Variants in FGF8 observed in about 807,000 individuals in gnomAD.
The protein encoded by FGF8 is fibroblast growth factor 8.
FGF8 carries 12 observed loss-of-function variants against 29.7 expected under a neutral mutation model. The observed-to-expected ratio is 0.40, with a 90% confidence interval of 0.26 to 0.65. The LOEUF is 0.65. FGF8 is among the 30% of genes least tolerant of loss of function. The pLI, the probability that FGF8 is intolerant of heterozygous loss-of-function variation, is 0.37. For missense variants in FGF8, 271 were observed against 345.1 expected, an observed-to-expected ratio of 0.79 and a Z score of 1.70; for synonymous variants, 157 against 144.4, an observed-to-expected ratio of 1.09 and a Z score of -0.63.
In FGF8 at chr10:101,770,469, G is replaced by A. The variant is rs770066142; in HGVS notation, c.595C>T (p.Arg199Cys). 2.0e-5 allele frequency: 32 copies of A among 1,613,014 alleles called. No homozygotes were observed. The highest frequency in any genetic ancestry group is 1.7e-4 in the Middle Eastern group (1 of 6,060). The change falls in exon 6 of 6, where the codon CGT (arginine) becomes TGT (cysteine). Residue 199 changes from arginine to cysteine, a missense_variant. Around this residue, in one of 3 missense-constraint regions of FGF8, gnomAD observed 41 missense variants for 80.0 expected, o/e 0.51. Transcript: ENST00000320185. ...AGCCGCTTCATGAAGTGGACCTCAC[G>A]CTGGTGCTGCCGCGTCTTGGAGCCC... is the stretch of plus-strand genomic sequence containing the variant. ...RKGSKTRQHQREVHFMKRLPR... is the reference protein window; with the variant it reads ...RKGSKTRQHQCEVHFMKRLPR...
chr10:101,774,958 C>T (rs754659347), intron 3 of FGF8, 46 bp from the exon 4 acceptor site: 1 of 1,603,944 alleles, frequency 6.2e-7, no homozygotes, highest in Non-Finnish European at 8.5e-7. Flanking sequence ...TAATGCTACT[C>T]CGCCCAGGGG....
intron 3 of FGF8, 71 bp from the exon 4 acceptor site, chr10:101,774,983 T>A (rs2065069820): frequency 6.4e-7 from 1 of 1,555,342 alleles, no homozygotes; most frequent in Non-Finnish European, 8.8e-7. Flanking sequence ...AGTGGCCCCA[T>A]CACCCTGCGT....
At position 101,771,783 on chromosome 10, in the gene FGF8, G is replaced by A. The variant is rs1052619846; in HGVS notation, c.338-214C>T. ...TGGGTTTACAGAGGGCAGTGGACGG[G>A]ATTATGGTTTTCAAACTGGGTTCTC... On this transcript the variant is annotated intron_variant, in intron 4 of 5. Transcript: ENST00000320185. This position sits in a 1 kb window ranked among gnomAD's most constrained non-coding sequence, Gnocchi z 5.3. 1.3e-5 allele frequency among the ~76,000 whole-genome samples: 2 copies of A among 152,214 alleles called. No homozygotes were observed. Among genetic ancestry groups the A allele is most frequent in the Non-Finnish European group, 2.9e-5 (2 of 68,034 alleles).
intron 4 of FGF8, among the ~76,000 whole-genome samples, chr10:101,774,084 G>A (rs2065057232): frequency 6.6e-6 from 1 of 152,182 alleles, no homozygotes; most frequent in South Asian, 2.1e-4. Context: ...GGTACATCCA[G>A]GACTCTGGAA....
In FGF8 at chr10:101,775,326, C is replaced by A; in HGVS notation, c.70-110G>T. 1 of 804,238 alleles carries A rather than the reference C, an allele frequency of 1.2e-6. No individual in the cohort carries two copies. The highest frequency in any genetic ancestry group is 2.0e-6 in the Non-Finnish European group (1 of 487,832). 49.8% of individuals were successfully genotyped at this position (804,238 alleles called of 1,614,324 possible). A position where few individuals can be genotyped will look rare whatever the true frequency, so the allele number is the denominator to read the frequency against. On this transcript the variant is annotated intron_variant, in intron 2 of 5. Coordinates refer to ENST00000320185, the MANE Select transcript of FGF8 (RefSeq NM_033163.5). The surrounding 1 kb of genome is among the most constrained non-coding windows in gnomAD (Gnocchi z 4.6). ...TGAGAGTGCAGGGAACCTGGGCACCCGATCATTGGGCCAAATCGGCCACAA... is the reference window on the plus strand; with the variant it reads ...TGAGAGTGCAGGGAACCTGGGCACCAGATCATTGGGCCAAATCGGCCACAA...
chr10:101,775,395 C>G lies in FGF8; in HGVS notation c.70-179G>C. The G allele has an allele frequency of 3.3e-6, 2 of 609,036 alleles. No homozygotes were observed. The highest frequency in any genetic ancestry group is 5.8e-6 in the Non-Finnish European group (2 of 342,394). The allele number at this position is 609,036 out of a possible 1,614,324, so 37.7% of individuals were successfully genotyped here. A position where few individuals can be genotyped will look rare whatever the true frequency, so the allele number is the denominator to read the frequency against. ...TGAGAGGGTCTCTGCTGCAGTCACC[C>G]GGCTTCCCCTGGCATCGAACATCCA... On this transcript the variant is annotated intron_variant, in intron 2 of 5. Coordinates refer to ENST00000320185, the MANE Select transcript of FGF8 (RefSeq NM_033163.5). The surrounding 1 kb of genome is among the most constrained non-coding windows in gnomAD (Gnocchi z 4.6).
At chr10:101,777,980 G>A (rs572637657), upstream of FGF8, among the ~76,000 whole-genome samples, 3 of 152,314 alleles carry the variant, frequency 2.0e-5, no homozygotes, top group East Asian at 5.8e-4. Flanking sequence ...CAAGTCAGGT[G>A]GACACAAGTG....
intron 4 of FGF8, among the ~76,000 whole-genome samples, chr10:101,773,239 C>T (rs2065047003): frequency 6.6e-6 from 1 of 152,158 alleles, no homozygotes; most frequent in Non-Finnish European, 1.5e-5. Flanking sequence ...AGATGAATTC[C>T]CCCACACCAG....
At chr10:101,777,516 C>G (rs181922015), upstream of FGF8, among the ~76,000 whole-genome samples, 2 of 152,354 alleles carry the variant, frequency 1.3e-5, no homozygotes, top group East Asian at 3.9e-4. Flanking sequence ...TTTCCAACTC[C>G]CAGCCATAAA....
Position 101,772,083 on chromosome 10 carries a change from G to C in FGF8, c.338-514C>G, listed in dbSNP as rs949597763. Among the ~76,000 whole-genome samples, 12 of 152,192 alleles carry C rather than the reference G, an allele frequency of 7.9e-5. No homozygotes were observed. The highest frequency in any genetic ancestry group is 2.9e-4 in the African/African-American group (12 of 41,442). On this transcript the variant is annotated intron_variant, in intron 4 of 5. Coordinates refer to ENST00000320185, the MANE Select transcript of FGF8 (RefSeq NM_033163.5). This position sits in a 1 kb window ranked among gnomAD's most constrained non-coding sequence, Gnocchi z 4.4. ...CATTGTCTCCTGTTTCTGCCACTTT[G>C]GGTTCTAACTCACAGCTTTGGCCAC...
rs1491043506 is a variant in FGF8, at chr10:101,770,152, A to AAC, written c.*176_*177insGT. 1 of 524,930 alleles carries AAC rather than the reference A, an allele frequency of 1.9e-6. No homozygotes were observed. The highest frequency in any genetic ancestry group is 1.9e-5 in the African/African-American group (1 of 51,636). 32.5% of individuals were successfully genotyped at this position (524,930 alleles called of 1,614,324 possible). A position where few individuals can be genotyped will look rare whatever the true frequency, so the allele number is the denominator to read the frequency against. On this transcript the variant is annotated 3_prime_UTR_variant, in exon 6 of 6. Coordinates refer to ENST00000320185, the MANE Select transcript of FGF8 (RefSeq NM_033163.5). ...CCTCTCTTTTGTTTTAAAAAAAAAA[A>AAC]AAAAAAAAAAAACAGCAAAAACCCA... is the stretch of plus-strand genomic sequence containing the variant.
chr10:101,774,196 A>G (rs1256738806), intron 4 of FGF8, among the ~76,000 whole-genome samples: 1 of 152,188 alleles, frequency 6.6e-6, no homozygotes, highest in Non-Finnish European at 1.5e-5. Context: ...CCCCACAGGG[A>G]GCCGGGAGCC....
In FGF8 at chr10:101,771,468, C is replaced by T. The variant is rs904069647; in HGVS notation, c.439G>A (p.Ala147Thr). 21 of 1,613,608 alleles carry T rather than the reference C, an allele frequency of 1.3e-5. No individual in the cohort carries two copies. Among genetic ancestry groups the T allele is most frequent in the East Asian group, 2.2e-5 (1 of 44,882 alleles). ...ICMNKKGKLIAKSNGKGKDCV... is the reference protein window; with the variant it reads ...ICMNKKGKLITKSNGKGKDCV... ...CCTGCCTGCTGGGGCCTCACCTTGG[C>T]GATCAGCTTCCCCTTCTTGTTCATG... The change falls in exon 5 of 6, where the codon GCC becomes ACC. Residue 147 changes from alanine (A) to threonine (T), a missense_variant. This residue lies in a region of FGF8 where 168 missense variants were observed against 207.0 expected (regional missense o/e 0.81). Transcript: ENST00000320185. This position sits in a 1 kb window ranked among gnomAD's most constrained non-coding sequence, Gnocchi z 5.3.
chr10:101,774,671 G>T (rs1404878849), intron 4 of FGF8, 61 bp downstream of exon 4: 16 of 1,429,624 alleles, frequency 1.1e-5, no homozygotes, highest in Admixed American at 1.7e-5. Context: ...CCCGGCCAGT[G>T]CAGTTGGGAC....
In FGF8 at chr10:101,776,065, C is replaced by T. The variant is rs2065088194; in HGVS notation, c.-165G>A. ...GTCCCGTGGAACGTCGTGCTCGCCG[C>T]GCCGCACCGAATCGCTGTGCGCCGC... On this transcript the variant is annotated 5_prime_UTR_variant, in exon 1 of 6. Transcript: ENST00000320185. The T allele has an allele frequency of 1.2e-5, 3 of 255,928 alleles. No homozygotes were observed. The East Asian group carries it at 3.4e-4, about 29-fold the overall frequency. The allele number at this position is 255,928 out of a possible 1,614,324, so 15.9% of individuals were successfully genotyped here. A position where few individuals can be genotyped will look rare whatever the true frequency, so the allele number is the denominator to read the frequency against.
chr10:101,775,605 CG>C lies in FGF8; in HGVS notation c.69+134del, dbSNP rs1029990029. ...CCTCAGCTCCCTCCTCGGGGTGGCTCGGGGCTGGGTTTCTAAGGTGCCCTCA... is the reference window on the plus strand; with the variant it reads ...CCTCAGCTCCCTCCTCGGGGTGGCTCGGGCTGGGTTTCTAAGGTGCCCTCA... On this transcript the variant is annotated intron_variant, in intron 2 of 5. Transcript: ENST00000320185. The surrounding 1 kb of genome is among the most constrained non-coding windows in gnomAD (Gnocchi z 4.6). The C allele has an allele frequency of 1.0e-6, 1 of 994,714 alleles. No individual in the cohort carries two copies. Among genetic ancestry groups the C allele is most frequent in the African/African-American group, 1.6e-5 (1 of 61,532 alleles). 61.6% of individuals were successfully genotyped at this position (994,714 alleles called of 1,614,324 possible). A position where few individuals can be genotyped will look rare whatever the true frequency, so the allele number is the denominator to read the frequency against.
rs112280066 is a variant in FGF8, at chr10:101,775,597, G to A, written c.69+143C>T. 2.4e-5 allele frequency: 21 copies of A among 869,094 alleles called. 2 individuals carry two copies. In the South Asian group the frequency reaches 3.0e-4, roughly 12 times the overall value. 53.8% of individuals were successfully genotyped at this position (869,094 alleles called of 1,614,324 possible). A position where few individuals can be genotyped will look rare whatever the true frequency, so the allele number is the denominator to read the frequency against. On this transcript the variant is annotated intron_variant, in intron 2 of 5. Coordinates refer to ENST00000320185, the MANE Select transcript of FGF8 (RefSeq NM_033163.5). This position sits in a 1 kb window ranked among gnomAD's most constrained non-coding sequence, Gnocchi z 4.6. ...TCTCTGTGCCTCAGCTCCCTCCTCG[G>A]GGTGGCTCGGGGCTGGGTTTCTAAG... is the stretch of plus-strand genomic sequence containing the variant.
upstream of FGF8, among the ~76,000 whole-genome samples, chr10:101,779,387 C>T (rs931155924): frequency 5.9e-5 from 9 of 152,280 alleles, 1 homozygote; most frequent in Admixed American, 5.9e-4. This position sits in a 1 kb window ranked among gnomAD's most constrained non-coding sequence, Gnocchi z 5.7. Context: ...GCCTTCATCC[C>T]CCAGGGGTCT....
At chr10:101,770,661 C>A (rs1368231656) in intron 5 of FGF8, 42 bp from the exon 6 acceptor site, 2 of 1,599,886 alleles carry the variant, frequency 1.3e-6, no homozygotes, top group Non-Finnish European at 8.5e-7. Context: ...AGAGCCCCCC[C>A]AGCAGAGGCA....
Sources: allele counts gnomAD v4.1 joint callset (sites outside exome capture counted in the v4.1 genomes callset), GRCh38; gene constraint gnomAD v4.1.1; regional missense constraint gnomAD v4.1.1; non-coding constraint Gnocchi (gnomAD v3.1); transcripts MANE v1.5; gene names NCBI Gene and HGNC (gene_info 2026-07-23, HGNC 2026-07-21).